RBFOX1: variants seen among roughly 807,000 people sequenced by gnomAD.
RBFOX1 encodes the protein RNA binding fox-1 homolog 1.
RBFOX1 carries 8 observed loss-of-function variants against 57.7 expected under a neutral mutation model. The ratio of observed to expected loss-of-function variants is 0.14; its 90% CI spans 0.08 to 0.25. The LOEUF is 0.25. Among genes scored for constraint, RBFOX1 ranks in the 10% least tolerant of loss-of-function variants. The probability of loss-of-function intolerance (pLI) is 1.00; values close to 1 mark genes in which losing one functional copy is unlikely to be tolerated. For missense variants in RBFOX1, 611 were observed against 548.5 expected (o/e 1.11, Z -1.14); for synonymous variants, 326 against 222.4 (o/e 1.47, Z -4.15).
At chr16:6,176,450 T>G (rs1223287716) in intron 1 of RBFOX1, among the ~76,000 whole-genome samples, 3 of 151,604 alleles carry the variant, frequency 2.0e-5, no homozygotes, top group Non-Finnish European at 2.9e-5. Context: ...TGAGCTACTG[T>G]GCCCAGCCTC....
At chr16:6,278,134 A>G (rs1303300119) in intron 1 of RBFOX1, among the ~76,000 whole-genome samples, 1 of 152,042 alleles carries the variant, frequency 6.6e-6, no homozygotes, top group African/African-American at 2.4e-5. Flanking sequence ...GCATGAAGGG[A>G]CTTTGTGGAA....
intron 1 of RBFOX1, among the ~76,000 whole-genome samples, chr16:5,432,751 C>T (rs1050675853): frequency 2.0e-5 from 3 of 151,996 alleles, no homozygotes; most frequent in African/African-American, 7.2e-5. Flanking sequence ...CCTGTCTTTC[C>T]CACAGATTAA....
At chr16:5,429,927 T>G (rs1225760800) in intron 1 of RBFOX1, among the ~76,000 whole-genome samples, 1 of 152,192 alleles carries the variant, frequency 6.6e-6, no homozygotes, top group Admixed American at 6.5e-5. Context: ...TCCTAAAAAT[T>G]CTTCACTCTG....
chr16:6,848,353 G>C (rs897505513), intron 3 of RBFOX1, among the ~76,000 whole-genome samples: 4 of 152,110 alleles, frequency 2.6e-5, no homozygotes, highest in Admixed American at 1.3e-4. Context: ...TTTTTTATGA[G>C]TGAAATTTAT....
rs749240601 is a variant in RBFOX1, at chr16:6,202,449, C to A, written c.-126-114546C>A. 2.6e-5 allele frequency among the ~76,000 whole-genome samples: 4 copies of A among 151,878 alleles called. No individual in the cohort carries two copies. The South Asian group carries it at 8.3e-4, about 32-fold the overall frequency. The stretch of plus-strand genomic sequence containing the variant: ...TTCTTTCTTTTAGAAAGGAGGACAC[C>A]GAGGCTTGGAGGGAAAAAAAGACTT... On this transcript the variant is annotated intron_variant, in intron 1 of 15. Transcript: ENST00000550418.
chr16:6,058,002 G>A (rs1023646436), intron 1 of RBFOX1, among the ~76,000 whole-genome samples: 2 of 152,004 alleles, frequency 1.3e-5, no homozygotes, highest in African/African-American at 4.8e-5. Flanking sequence ...TCAGACAAAG[G>A]CCTGACCCGG....
At chr16:7,613,568 A>C (rs1049455139) in intron 10 of RBFOX1, among the ~76,000 whole-genome samples, 2 of 152,238 alleles carry the variant, frequency 1.3e-5, no homozygotes, top group African/African-American at 4.8e-5. Flanking sequence ...GGGTGGTTAT[A>C]ACACTCTTTG....
intron 3 of RBFOX1, among the ~76,000 whole-genome samples, chr16:5,662,737 G>T (rs2049698371): frequency 6.6e-6 from 1 of 152,154 alleles, no homozygotes; most frequent in African/African-American, 2.4e-5. Context: ...AGGGGGTGGA[G>T]GTTTGAAGTT....
intron 4 of RBFOX1, among the ~76,000 whole-genome samples, chr16:5,999,955 G>A (rs12923176): frequency 0.058 from 8,174 of 140,008 alleles, 555 homozygotes; most frequent in South Asian, 0.1. Flanking sequence ...GCATATATAA[G>A]GTGGTATGTT....
chr16:7,358,722 T>C (rs886505885), intron 4 of RBFOX1, among the ~76,000 whole-genome samples: 3 of 152,142 alleles, frequency 2.0e-5, no homozygotes, highest in African/African-American at 7.2e-5. Flanking sequence ...GCCCAGTCTC[T>C]TAAGTACTTT....
intron 3 of RBFOX1, among the ~76,000 whole-genome samples, chr16:6,742,603 T>C (rs2072522472): frequency 1.3e-5 from 2 of 152,186 alleles, no homozygotes; most frequent in African/African-American, 4.8e-5. Flanking sequence ...AGTAGGTGAA[T>C]GGTTAAAGAA....
chr16:5,877,256 A>G (rs969837592), intron 4 of RBFOX1, among the ~76,000 whole-genome samples: 1 of 152,222 alleles, frequency 6.6e-6, no homozygotes, highest in Non-Finnish European at 1.5e-5. Context: ...AAAGTCAGAG[A>G]GTTTTAAAGA....
intron 2 of RBFOX1, among the ~76,000 whole-genome samples, chr16:6,368,428 G>C (rs1219781678): frequency 6.6e-6 from 1 of 152,136 alleles, no homozygotes. Flanking sequence ...GCTTTGATTT[G>C]GGTTTTATGT....
chr16:6,942,673 C>G (rs368512377), intron 3 of RBFOX1, among the ~76,000 whole-genome samples: 12 of 152,156 alleles, frequency 7.9e-5, no homozygotes, highest in Admixed American at 7.9e-4. Flanking sequence ...AAGATGGTGT[C>G]TGACTTGGAT....
chr16:6,635,112 T>C (rs1017548410), intron 2 of RBFOX1, among the ~76,000 whole-genome samples: 1 of 146,384 alleles, frequency 6.8e-6, no homozygotes, highest in African/African-American at 2.5e-5. Context: ...TAAAGTATTA[T>C]ATGTAAGTAT....
At chr16:7,144,507 C>G (rs903725355) in intron 4 of RBFOX1, among the ~76,000 whole-genome samples, 1 of 144,746 alleles carries the variant, frequency 6.9e-6, no homozygotes, top group East Asian at 2.2e-4. Flanking sequence ...TCACTGCAGC[C>G]TTAACGTCCC....
intron 4 of RBFOX1, among the ~76,000 whole-genome samples, chr16:7,075,604 G>A (rs558910624): frequency 3.3e-5 from 5 of 151,306 alleles, no homozygotes; most frequent in East Asian, 3.9e-4. Context: ...TTTATGAGAC[G>A]GAGTCTCGCT....
At chr16:6,175,897 A>G (rs1191271963) in intron 1 of RBFOX1, among the ~76,000 whole-genome samples, 3 of 152,154 alleles carry the variant, frequency 2.0e-5, no homozygotes, top group African/African-American at 7.2e-5. Context: ...TGCAACCTTG[A>G]CTGCCTGTTA....
At chr16:7,653,202 T>TA (rs2065468149) in intron 11 of RBFOX1, among the ~76,000 whole-genome samples, 1 of 152,170 alleles carries the variant, frequency 6.6e-6, no homozygotes, top group South Asian at 2.1e-4. Context: ...TCTGCCCTTT[T>TA]AAAAATATGT....
Sources: gnomAD v4.1 joint callset for allele counts (sites outside exome capture counted in the v4.1 genomes callset) on GRCh38, gnomAD v4.1.1 for gene constraint, MANE v1.5 for transcripts, NCBI Gene and HGNC (gene_info 2026-07-23, HGNC 2026-07-21) for gene names.